Variants in HIRA observed in about 807,000 individuals in gnomAD.
HIRA encodes the protein histone cell cycle regulator.
HIRA carries 13 observed loss-of-function variants against 126.6 expected under a neutral mutation model. The ratio of observed to expected loss-of-function variants is 0.10; its 90% CI spans 0.07 to 0.16. The LOEUF is 0.16. Ranked by LOEUF, HIRA falls within the 10% of genes least tolerant of loss-of-function variation. The pLI, the probability that HIRA is intolerant of heterozygous loss-of-function variation, is 1.00. For synonymous variants in HIRA, 511 were observed against 520.0 expected, an observed-to-expected ratio of 0.98 and a Z score of 0.24; for missense variants, 834 against 1,314.4, an observed-to-expected ratio of 0.63 and a Z score of 5.65.
intron 15 of HIRA, among the ~76,000 whole-genome samples, chr22:19,374,390 C>T (rs1425848460): frequency 2.0e-5 from 3 of 152,104 alleles, no homozygotes; most frequent in Non-Finnish European, 4.4e-5. Flanking sequence ...TGGCCTCAAG[C>T]GATCCTCCTG....
intron 9 of HIRA, among the ~76,000 whole-genome samples, chr22:19,391,200 C>T (rs2871026): frequency 0.39 from 59,713 of 151,916 alleles, 13,495 homozygotes; most frequent in Non-Finnish European, 0.51. Flanking sequence ...GCAACATACA[C>T]GAATCTCAAA....
intron 18 of HIRA, among the ~76,000 whole-genome samples, chr22:19,357,779 T>C (rs181793280): frequency 3.3e-5 from 5 of 152,262 alleles, no homozygotes; most frequent in African/African-American, 4.8e-5. Context: ...CTGCTTTGTG[T>C]CACTTCTATC....
At chr22:19,347,914 G>A (rs952915839) in intron 24 of HIRA, among the ~76,000 whole-genome samples, 16 of 152,190 alleles carry the variant, frequency 1.1e-4, no homozygotes, top group Non-Finnish European at 2.1e-4. Context: ...ACTCCAGCCC[G>A]GGTGACAGAG....
At chr22:19,408,715 T>C (rs1320959406) in intron 2 of HIRA, 122 bp from the exon 3 acceptor site, 3 of 598,382 alleles carry the variant, frequency 5.0e-6, no homozygotes, top group Non-Finnish European at 9.0e-6. Flanking sequence ...ATTAACTAGA[T>C]CTAAGGAGAC....
At chr22:19,378,654 C>T (rs1376464593) in intron 13 of HIRA, among the ~76,000 whole-genome samples, 2 of 152,242 alleles carry the variant, frequency 1.3e-5, no homozygotes, top group East Asian at 3.8e-4. Context: ...CTGCAAAATA[C>T]AAAGTGCCAG....
chr22:19,375,904 T>C (rs771028378), intron 14 of HIRA, 112 bp from the exon 15 acceptor site: 118 of 1,132,146 alleles, frequency 1.0e-4, no homozygotes, highest in Non-Finnish European at 1.5e-4. Flanking sequence ...CAAACTTCCA[T>C]AAACACAAAA....
rs116990452 is a variant in HIRA at position 19,424,599 on chromosome 22, A to T, written c.37+6841T>A. Among the ~76,000 whole-genome samples the T allele has an allele frequency of 1.2e-3, 179 of 152,308 alleles. 1 individual carries two copies. In the East Asian group the frequency reaches 0.032, roughly 27 times the overall value. ...TCCTTCTGAGGAGGAAATGGGCCTG[A>T]AGCTCTCCAGGACGGAGTGGCCAGC... On this transcript the variant is annotated intron_variant, in intron 1 of 24. Coordinates refer to ENST00000263208, the MANE Select transcript of HIRA (RefSeq NM_003325.4).
At chr22:19,359,694 C>CTGGGAGCTGG (rs1346180793) in intron 17 of HIRA, among the ~76,000 whole-genome samples, 8 of 152,260 alleles carry the variant, frequency 5.3e-5, no homozygotes, top group African/African-American at 1.7e-4. Flanking sequence ...AGGGAGAATG[C>CTGGGAGCTGG]TGGGAGCTGG....
chr22:19,417,490 C>A (rs766557838), intron 1 of HIRA, among the ~76,000 whole-genome samples: 1 of 151,350 alleles, frequency 6.6e-6, no homozygotes, highest in Non-Finnish European at 1.5e-5. Flanking sequence ...GGCATGGTAG[C>A]GTGTGCCTGT....
chr22:19,357,507 G>C (rs2088824104), intron 18 of HIRA, among the ~76,000 whole-genome samples: 2 of 152,206 alleles, frequency 1.3e-5, no homozygotes, highest in South Asian at 4.1e-4. Context: ...GTGTCCAGGG[G>C]GCTGTCTGGC....
chr22:19,394,193 T>C, intron 8 of HIRA, 149 bp downstream of exon 8: 1 of 920,162 alleles, frequency 1.1e-6, no homozygotes, highest in Non-Finnish European at 1.6e-6. Context: ...GATGTTCACA[T>C]GTAAAGTTTG....
At chr22:19,353,670 C>A in intron 22 of HIRA, 151 bp from the exon 23 acceptor site, 1 of 836,046 alleles carries the variant, frequency 1.2e-6, no homozygotes, top group South Asian at 1.8e-5. Flanking sequence ...TTGGCAGATG[C>A]CAGATCTGTT....
At chr22:19,427,076 A>G (rs1270266256) in intron 1 of HIRA, among the ~76,000 whole-genome samples, 1 of 152,218 alleles carries the variant, frequency 6.6e-6, no homozygotes, top group Non-Finnish European at 1.5e-5. Context: ...CAAATAACTT[A>G]TTCAGAGCGG....
At chr22:19,380,030 G>C (rs1438480152) in intron 13 of HIRA, among the ~76,000 whole-genome samples, 1 of 151,826 alleles carries the variant, frequency 6.6e-6, no homozygotes, top group Middle Eastern at 3.2e-3. Flanking sequence ...GGATGGTCTT[G>C]ATCTCTTGAC....
chr22:19,426,017 A>G (rs1460343048), intron 1 of HIRA, among the ~76,000 whole-genome samples: 1 of 152,168 alleles, frequency 6.6e-6, no homozygotes, highest in Non-Finnish European at 1.5e-5. Flanking sequence ...CTCTGTCTCA[A>G]AATAAATAAA....
At chr22:19,379,431 C>T (rs1293474240) in intron 13 of HIRA, among the ~76,000 whole-genome samples, 2 of 150,796 alleles carry the variant, frequency 1.3e-5, no homozygotes, top group African/African-American at 4.9e-5. Context: ...TCGAGACCAG[C>T]CTGGCCAACA....
Position 19,359,376 on chromosome 22 carries a change from T to A in HIRA, c.2194A>T (p.Thr732Ser), listed in dbSNP as rs777391169. The A allele has an allele frequency of 2.1e-5, 33 of 1,609,098 alleles. No homozygotes were observed. Among genetic ancestry groups the A allele is most frequent in the Non-Finnish European group, 2.7e-5 (32 of 1,177,946 alleles). ...GTGAGGATCCGGCTGGTGAGTACCG[T>A]CTCCCACTCCTTCCCTTCCCGGTTG... ...KCNREGKEWE[T>S]VLTSRILTAA... The change falls in exon 18 of 25, where the codon ACG (threonine) becomes TCG (serine). Residue 732 changes from threonine to serine, a missense_variant. By Grantham distance (58) the Thr-to-Ser change is moderately conservative. This residue lies in a region of HIRA where 468 missense variants were observed against 574.2 expected (regional missense o/e 0.82). Coordinates refer to ENST00000263208, the MANE Select transcript of HIRA (RefSeq NM_003325.4).
chr22:19,405,158 C>T (rs1305407038), intron 5 of HIRA, among the ~76,000 whole-genome samples: 1 of 152,160 alleles, frequency 6.6e-6, no homozygotes, highest in Non-Finnish European at 1.5e-5. Flanking sequence ...GCCTCCAAAT[C>T]CCCATTCACA....
At chr22:19,406,939 C>A (rs548167484) in intron 4 of HIRA, among the ~76,000 whole-genome samples, 1 of 152,320 alleles carries the variant, frequency 6.6e-6, no homozygotes, top group South Asian at 2.1e-4. Flanking sequence ...CCACCCACAT[C>A]GGCACTAGAA....
Sources: gnomAD v4.1 joint callset for allele counts (sites outside exome capture counted in the v4.1 genomes callset) on GRCh38, gnomAD v4.1.1 for gene constraint, gnomAD v4.1.1 regional missense constraint, MANE v1.5 for transcripts, NCBI Gene and HGNC (gene_info 2026-07-23, HGNC 2026-07-21) for gene names.